Variants in ESR1 observed in about 807,000 individuals in gnomAD.
ESR1 encodes the protein estrogen receptor 1.
In ESR1, 12 loss-of-function variants were observed where a neutral mutation model predicts 52.7. The ratio of observed to expected loss-of-function variants is 0.23; its 90% CI spans 0.15 to 0.37. The LOEUF (loss-of-function observed/expected upper bound fraction) is 0.37, where lower values mean the gene tolerates loss of function less well. ESR1 is among the 10% of genes least tolerant of loss of function. The probability of loss-of-function intolerance (pLI) is 1.00; values close to 1 mark genes in which losing one functional copy is unlikely to be tolerated. For missense variants in ESR1, 584 were observed against 779.7 expected (o/e 0.75, Z 2.99); for synonymous variants, 305 against 316.8 (o/e 0.96, Z 0.39).
At chr6:152,032,983 G>GC (rs1380993361) in intron 5 of ESR1, among the ~76,000 whole-genome samples, 2 of 152,080 alleles carry the variant, frequency 1.3e-5, no homozygotes, top group African/African-American at 4.8e-5. Context: ...CAGAAATAAT[G>GC]CCATGTATCT....
In ESR1 at chr6:152,098,887, CT is replaced by C. The variant is rs1253340312; in HGVS notation, c.1710del (p.Ala571ArgfsTer36). On this transcript the variant is annotated frameshift_variant, in exon 8 of 8. Coordinates refer to ENST00000206249, the MANE Select transcript of ESR1 (RefSeq NM_000125.4). LOFTEE classifies it high-confidence loss of function. This position sits in a 1 kb window ranked among gnomAD's most constrained non-coding sequence, Gnocchi z 5.1. ...VEETDQSHLA[T>X]AGSTSSHSLQ... Reference sequence around the variant, plus strand: ...GAGACGGACCAAAGCCACTTGGCCACTGCGGGCTCTACTTCATCGCATTCCT... The same window carrying C: ...GAGACGGACCAAAGCCACTTGGCCACGCGGGCTCTACTTCATCGCATTCCT... 6.2e-7 allele frequency: 1 copy of C among 1,614,086 alleles called. No homozygotes were observed. The highest frequency in any genetic ancestry group is 8.5e-7 in the Non-Finnish European group (1 of 1,180,044).
chr6:151,762,486 C>T (rs1340381279), intron 2 of ESR1, among the ~76,000 whole-genome samples: 1 of 152,138 alleles, frequency 6.6e-6, no homozygotes, highest in African/African-American at 2.4e-5. Flanking sequence ...CTCTTTAAAT[C>T]CCAGCTCTTT....
chr6:152,125,466 GC>G (rs2053074093), exon 7 of ESR1: 5 of 1,321,812 alleles, frequency 3.8e-6, no homozygotes, highest in African/African-American at 1.5e-5. Flanking sequence ...AGTCTCTCTG[GC>G]CTTCAGTTTT....
intron 1 of ESR1, among the ~76,000 whole-genome samples, chr6:151,839,007 A>G (rs1400898570): frequency 6.6e-6 from 1 of 152,224 alleles, no homozygotes; most frequent in Non-Finnish European, 1.5e-5. Context: ...TGTGGAAACT[A>G]TACATTTATT....
intron 5 of ESR1, among the ~76,000 whole-genome samples, chr6:152,031,585 C>T (rs562080925): frequency 6.2e-4 from 94 of 152,224 alleles, no homozygotes; most frequent in Non-Finnish European, 1.1e-3. Flanking sequence ...CAAGACTAAA[C>T]CAGGAAGAAG....
intron 2 of ESR1, among the ~76,000 whole-genome samples, chr6:151,742,153 G>GTCCATTTT (rs1783145056): frequency 6.6e-6 from 1 of 152,086 alleles, no homozygotes; most frequent in Non-Finnish European, 1.5e-5. Context: ...TTGTCCATTT[G>GTCCATTTT]TCCATGAATT....
chr6:152,129,246 A>T (rs2054607026), exon 7 of ESR1: 2 of 152,258 alleles, frequency 1.3e-5, no homozygotes, highest in Admixed American at 1.3e-4. Flanking sequence ...CCAAAGAGTG[A>T]CTGCTGTTGG....
At chr6:152,015,645 G>A (rs1391159404) in intron 5 of ESR1, among the ~76,000 whole-genome samples, 1 of 152,204 alleles carries the variant, frequency 6.6e-6, no homozygotes, top group African/African-American at 2.4e-5. Flanking sequence ...TCTTCTGATA[G>A]TCATGGCAGC....
intron 3 of ESR1, among the ~76,000 whole-genome samples, chr6:151,940,121 G>C (rs903712706): frequency 5.3e-5 from 8 of 152,152 alleles, no homozygotes; most frequent in Non-Finnish European, 7.4e-5. Context: ...AGGTGAAGGG[G>C]AAGCAAAGGC....
chr6:151,808,606 C>G (rs1280386249), intron 1 of ESR1, among the ~76,000 whole-genome samples: 3 of 152,140 alleles, frequency 2.0e-5, no homozygotes, highest in Non-Finnish European at 4.4e-5. Flanking sequence ...ACCCACTTAC[C>G]GTCCGTGCGA....
intron 2 of ESR1, among the ~76,000 whole-genome samples, chr6:151,715,661 G>A (rs1780976113): frequency 6.6e-6 from 1 of 152,006 alleles, no homozygotes; most frequent in Non-Finnish European, 1.5e-5. Flanking sequence ...TAAAGTTCTT[G>A]TGCTGTGTTT....
At chr6:151,757,310 C>G (rs1448583764) in intron 2 of ESR1, among the ~76,000 whole-genome samples, 1 of 152,082 alleles carries the variant, frequency 6.6e-6, no homozygotes, top group Non-Finnish European at 1.5e-5. Context: ...AGAAGACTCT[C>G]AGTTTTATAA....
intron 6 of ESR1, among the ~76,000 whole-genome samples, chr6:152,083,836 A>G (rs2152471482): frequency 1.3e-5 from 2 of 152,322 alleles, no homozygotes; most frequent in South Asian, 4.1e-4. Flanking sequence ...AGTGTAAATT[A>G]GTTCAACCAT....
chr6:152,005,044 A>ACT (rs2042228395), intron 4 of ESR1, among the ~76,000 whole-genome samples: 2 of 151,948 alleles, frequency 1.3e-5, no homozygotes, highest in African/African-American at 4.8e-5. Context: ...TTCCCAAGGC[A>ACT]AGTAGTCACT....
chr6:151,806,265 A>G (rs1777819608), upstream of ESR1, among the ~76,000 whole-genome samples: 2 of 152,124 alleles, frequency 1.3e-5, no homozygotes, highest in South Asian at 2.1e-4. Context: ...ACAATGGTCT[A>G]TTTTTGTAAG....
At chr6:151,754,326 AT>A (rs11446767) in intron 2 of ESR1, among the ~76,000 whole-genome samples, 2,579 of 144,934 alleles carry the variant, frequency 0.018, 68 homozygotes, top group African/African-American at 0.06. Flanking sequence ...ATCTATTGCT[AT>A]TTTTTTTTTT....
intron 3 of ESR1, among the ~76,000 whole-genome samples, chr6:151,890,759 A>G (rs1794591434): frequency 6.6e-6 from 1 of 152,086 alleles, no homozygotes; most frequent in Non-Finnish European, 1.5e-5. Flanking sequence ...CTTATTTTAT[A>G]GTTTGTGACT....
chr6:151,843,219 A>T (rs540344948), intron 2 of ESR1, among the ~76,000 whole-genome samples: 1 of 152,272 alleles, frequency 6.6e-6, no homozygotes, highest in South Asian at 2.1e-4. Context: ...TGTCCAGGCA[A>T]ATATTCTGTT....
intron 2 of ESR1, among the ~76,000 whole-genome samples, chr6:151,732,896 C>A (rs1015038866): frequency 2.0e-5 from 3 of 152,096 alleles, no homozygotes; most frequent in Non-Finnish European, 4.4e-5. Context: ...GTGAATCTAA[C>A]CTCTGCAGCT....
Sources: gnomAD v4.1 joint callset for allele counts (sites outside exome capture counted in the v4.1 genomes callset) on GRCh38, gnomAD v4.1.1 for gene constraint, Gnocchi (gnomAD v3.1) non-coding constraint, MANE v1.5 for transcripts, NCBI Gene and HGNC (gene_info 2026-07-23, HGNC 2026-07-21) for gene names.